Variants in WT1 observed in about 807,000 individuals in gnomAD.
The protein encoded by WT1 is Wilms tumor protein.
Under a neutral mutation model 60.8 loss-of-function variants are expected in WT1, and 8 were observed. The ratio of observed to expected loss-of-function variants is 0.13; its 90% CI spans 0.08 to 0.24. WT1 has a LOEUF of 0.24. Ranked by LOEUF, WT1 falls within the 10% of genes least tolerant of loss-of-function variation. The pLI, the probability that WT1 is intolerant of heterozygous loss-of-function variation, is 1.00. For missense variants in WT1, 568 were observed against 711.8 expected (o/e 0.80, Z 2.30); for synonymous variants, 312 against 297.1 (o/e 1.05, Z -0.52).
intron 6 of WT1, among the ~76,000 whole-genome samples, chr11:32,399,169 A>AG: frequency 6.6e-6 from 1 of 151,596 alleles, no homozygotes; most frequent in African/African-American, 2.4e-5. Context: ...AAAAAAAAAA[A>AG]AGAAAAAGAA....
In WT1 at chr11:32,392,658, C is replaced by A. The variant is rs2132919192; in HGVS notation, c.1354+8G>T. 6.2e-7 allele frequency: 1 copy of A among 1,613,868 alleles called. No homozygotes were observed. Among genetic ancestry groups the A allele is most frequent in the Non-Finnish European group, 8.5e-7 (1 of 1,179,798 alleles). On this transcript the variant is annotated splice_region_variant and intron_variant, in intron 8 of 9. Transcript: ENST00000452863. ...CAGCTGCCAGCAATGAGAAGTGAAC[C>A]TACAAACCTGTATGTCTCCTTTGGT...
At chr11:32,399,191 C>A (rs749534081) in intron 6 of WT1, among the ~76,000 whole-genome samples, 25 of 150,512 alleles carry the variant, frequency 1.7e-4, no homozygotes, top group Admixed American at 1.6e-3. Context: ...AAAAAAAGAC[C>A]GGTGATTATT....
intron 5 of WT1, among the ~76,000 whole-genome samples, chr11:32,403,482 A>T (rs947097698): frequency 2.0e-5 from 3 of 152,266 alleles, no homozygotes; most frequent in Non-Finnish European, 4.4e-5. Flanking sequence ...AGTTTTCAAG[A>T]TAGCCCATTC....
chr11:32,421,228 T>C (rs951257897), intron 3 of WT1, among the ~76,000 whole-genome samples: 1 of 152,176 alleles, frequency 6.6e-6, no homozygotes, highest in African/African-American at 2.4e-5. Flanking sequence ...TGGAAGCCCA[T>C]GGAAAGAGGC....
chr11:32,426,661 T>C (rs1042682162), intron 3 of WT1, among the ~76,000 whole-genome samples: 1 of 121,300 alleles, frequency 8.2e-6, no homozygotes, highest in Non-Finnish European at 1.7e-5. Flanking sequence ...AAGTTTCGAA[T>C]AGATAAACCG....
At chr11:32,430,898 G>T in intron 1 of WT1, 1 of 1,129,654 alleles carries the variant, frequency 8.9e-7, no homozygotes, top group Non-Finnish European at 1.1e-6. Context: ...TGGGCCCAGC[G>T]CTTGGCCTGG....
At chr11:32,428,893 T>C (rs763031166) in intron 1 of WT1, 250 of 522,684 alleles carry the variant, frequency 4.8e-4, no homozygotes, top group Non-Finnish European at 7.7e-4. Context: ...TCTTCTACGG[T>C]CTCTGCCGCT....
intron 3 of WT1, 84 bp downstream of exon 3, chr11:32,427,872 G>C (rs1470213518): frequency 7.3e-7 from 1 of 1,371,480 alleles, no homozygotes; most frequent in Non-Finnish European, 1.0e-6. Flanking sequence ...AGGGCTGCCC[G>C]GCTGGGGCGT....
chr11:32,406,645 T>G (rs1852321432), intron 5 of WT1, among the ~76,000 whole-genome samples: 1 of 152,194 alleles, frequency 6.6e-6, no homozygotes, highest in Admixed American at 6.5e-5. Context: ...ATATATTTAT[T>G]TCTATTGAAC....
At chr11:32,391,718 A>T (rs543303936) in intron 9 of WT1, among the ~76,000 whole-genome samples, 41 of 152,326 alleles carry the variant, frequency 2.7e-4, no homozygotes, top group African/African-American at 9.9e-4. Context: ...GACCTGGCTT[A>T]TCTCTTCATT....
At chr11:32,428,344 G>C (rs533382403) in intron 2 of WT1, among the ~76,000 whole-genome samples, 153 bp downstream of exon 2, 1 of 152,352 alleles carries the variant, frequency 6.6e-6, no homozygotes, top group South Asian at 2.1e-4. Flanking sequence ...ACCCAGTCTT[G>C]TCCTTTAAAT....
chr11:32,427,932 A>G (rs762380113), intron 3 of WT1, 24 bp downstream of exon 3: 4 of 1,596,160 alleles, frequency 2.5e-6, no homozygotes, highest in African/African-American at 2.7e-5. Context: ...AAGGACCCAG[A>G]CGCAGAGCCC....
Position 32,429,330 on chromosome 11 carries a change from G to C in WT1, c.662-711C>G, listed in dbSNP as rs5030155. 6.1e-3 allele frequency among the ~76,000 whole-genome samples: 929 copies of C among 152,142 alleles called. 10 individuals carry two copies. Among genetic ancestry groups the C allele is most frequent in the African/African-American group, 0.021 (882 of 41,510 alleles). ...GGTCCGACCCTGACCACTGCTGTAG[G>C]AGCCAACTTCCTCACTCCCCAGGCT... On this transcript the variant is annotated intron_variant, in intron 1 of 9. Transcript: ENST00000452863.
At chr11:32,396,116 C>T in intron 7 of WT1, 141 bp downstream of exon 7, 2 of 1,244,694 alleles carry the variant, frequency 1.6e-6, no homozygotes, top group Non-Finnish European at 1.1e-6. Context: ...CCCACAGCCT[C>T]TTTACAACAC....
chr11:32,408,540 A>AG (rs1341994386), intron 5 of WT1, among the ~76,000 whole-genome samples: 4 of 137,310 alleles, frequency 2.9e-5, no homozygotes, highest in Non-Finnish European at 6.1e-5. Flanking sequence ...AAAAAAAAAA[A>AG]AAAGAAAGAA....
intron 9 of WT1, among the ~76,000 whole-genome samples, chr11:32,390,537 C>T (rs1021762677): frequency 6.6e-6 from 1 of 152,192 alleles, no homozygotes; most frequent in Non-Finnish European, 1.5e-5. Context: ...TTTTTAAATG[C>T]AGCCAATTTG....
At chr11:32,418,211 CTA>C (rs953122835) in intron 3 of WT1, among the ~76,000 whole-genome samples, 1 of 141,946 alleles carries the variant, frequency 7.0e-6, no homozygotes, top group African/African-American at 2.6e-5. Context: ...GAATCATTTT[CTA>C]TATGTTTTAT....
chr11:32,430,635 G>C, intron 1 of WT1: 1 of 1,522,552 alleles, frequency 6.6e-7, no homozygotes, highest in Non-Finnish European at 8.8e-7. Flanking sequence ...CGTGGGTCCC[G>C]AGTCGCGGCA....
At chr11:32,418,196 G>A (rs189442293) in intron 3 of WT1, among the ~76,000 whole-genome samples, 192 of 150,460 alleles carry the variant, frequency 1.3e-3, no homozygotes, top group Non-Finnish European at 2.0e-3. Flanking sequence ...TATGCACAGC[G>A]GAAGGAATCA....
Sources: allele counts gnomAD v4.1 joint callset (sites outside exome capture counted in the v4.1 genomes callset), GRCh38; gene constraint gnomAD v4.1.1; transcripts MANE v1.5; gene names NCBI Gene and HGNC (gene_info 2026-07-23, HGNC 2026-07-21).